Variants in PCCA observed in about 807,000 individuals in gnomAD.
PCCA encodes propionyl-CoA carboxylase subunit alpha.
In PCCA, 74 loss-of-function variants were observed where a neutral mutation model predicts 101.3. The ratio of observed to expected loss-of-function variants is 0.73; its 90% CI spans 0.61 to 0.89. The LOEUF is 0.89. PCCA is among the 40% of genes least tolerant of loss of function. The pLI is 0.00. For missense variants in PCCA, 891 were observed against 907.0 expected, an observed-to-expected ratio of 0.98 and a Z score of 0.23; for synonymous variants, 294 against 313.6, an observed-to-expected ratio of 0.94 and a Z score of 0.66.
At chr13:100,292,995 G>T (rs1267811707) in intron 12 of PCCA, among the ~76,000 whole-genome samples, 3 of 148,954 alleles carry the variant, frequency 2.0e-5, no homozygotes, top group Non-Finnish European at 1.5e-5. Context: ...ATTTCCAGAT[G>T]CTAGGTTTTT....
At chr13:100,493,639 T>C (rs1210625077) in intron 21 of PCCA, among the ~76,000 whole-genome samples, 1 of 152,174 alleles carries the variant, frequency 6.6e-6, no homozygotes, top group Admixed American at 6.5e-5. Context: ...AAATATAGAA[T>C]TAGTCAAAAG....
intron 6 of PCCA, among the ~76,000 whole-genome samples, chr13:100,172,049 AT>A (rs1391949720): frequency 4.0e-5 from 6 of 150,606 alleles, no homozygotes; most frequent in Non-Finnish European, 8.9e-5. Flanking sequence ...AAAAAAAAAA[AT>A]ATTAGCTGGG....
intron 16 of PCCA, among the ~76,000 whole-genome samples, chr13:100,310,906 A>G (rs1351182294): frequency 6.6e-6 from 1 of 152,164 alleles, no homozygotes; most frequent in African/African-American, 2.4e-5. Flanking sequence ...AGACAAAGCT[A>G]GGTTCATAGC....
At position 100,264,522 on chromosome 13, in the gene PCCA, A is replaced by G. The variant is rs74113858; in HGVS notation, c.819+1691A>G. On this transcript the variant is annotated intron_variant, in intron 10 of 23. Transcript: ENST00000376285. The stretch of plus-strand genomic sequence containing the variant: ...TAGTCTGTCACGTCTTCTTTTTCAC[A>G]CATCATCATATCTTTGAGATTCTTC... Among the ~76,000 whole-genome samples the G allele has an allele frequency of 8.7e-3, 1,320 of 152,194 alleles. 23 individuals carry two copies. Among genetic ancestry groups the G allele is most frequent in the African/African-American group, 0.03 (1,259 of 41,506 alleles).
At chr13:100,272,262 G>C (rs1041747861) in intron 11 of PCCA, among the ~76,000 whole-genome samples, 1 of 152,244 alleles carries the variant, frequency 6.6e-6, no homozygotes, top group East Asian at 1.9e-4. Context: ...CTGAATTAGT[G>C]AACACTGAAT....
intron 16 of PCCA, among the ~76,000 whole-genome samples, chr13:100,329,465 C>T (rs191130190): frequency 1.2e-4 from 19 of 152,218 alleles, no homozygotes; most frequent in African/African-American, 4.6e-4. Flanking sequence ...CAATTGAGAG[C>T]AGTCATCGAA....
chr13:100,368,164 T>TTGGCTCA (rs2075332349), intron 18 of PCCA, among the ~76,000 whole-genome samples: 1 of 152,194 alleles, frequency 6.6e-6, no homozygotes, highest in South Asian at 2.1e-4. Flanking sequence ...ATTTTATGTC[T>TTGGCTCA]CTGAAGTTTA....
At chr13:100,461,963 A>G (rs1242483673) in intron 21 of PCCA, among the ~76,000 whole-genome samples, 1 of 152,176 alleles carries the variant, frequency 6.6e-6, no homozygotes, top group East Asian at 1.9e-4. Context: ...CACTCTTTGT[A>G]TTCCTGACCC....
At chr13:100,131,739 A>G (rs2050535072) in intron 4 of PCCA, among the ~76,000 whole-genome samples, 1 of 152,164 alleles carries the variant, frequency 6.6e-6, no homozygotes, top group African/African-American at 2.4e-5. Context: ...CAGATACTCA[A>G]CCTTTAACAA....
chr13:100,284,148 A>T (rs2064381625), intron 12 of PCCA, among the ~76,000 whole-genome samples: 1 of 152,248 alleles, frequency 6.6e-6, no homozygotes, highest in Non-Finnish European at 1.5e-5. Context: ...CCATCCGAGG[A>T]ATCCTGGGAC....
intron 6 of PCCA, among the ~76,000 whole-genome samples, chr13:100,178,101 A>G (rs2056412854): frequency 6.6e-6 from 1 of 152,180 alleles, no homozygotes; most frequent in African/African-American, 2.4e-5. Context: ...ACTTATGAAT[A>G]TGTGATAAAT....
intron 21 of PCCA, among the ~76,000 whole-genome samples, chr13:100,458,503 C>A (rs968350833): frequency 2.0e-5 from 3 of 150,960 alleles, no homozygotes; most frequent in African/African-American, 7.3e-5. Flanking sequence ...AGTATGGTGA[C>A]GCCCACCTAT....
chr13:100,272,782 G>C (rs2063382634), intron 11 of PCCA, among the ~76,000 whole-genome samples: 1 of 152,150 alleles, frequency 6.6e-6, no homozygotes, highest in Non-Finnish European at 1.5e-5. Context: ...ATTTCAGCAA[G>C]TAGGCAGATT....
intron 13 of PCCA, among the ~76,000 whole-genome samples, chr13:100,301,878 C>G (rs1280378981): frequency 6.6e-6 from 1 of 152,122 alleles, no homozygotes; most frequent in Non-Finnish European, 1.5e-5. Context: ...TACTCTTGAG[C>G]TTGAATGGAC....
intron 21 of PCCA, among the ~76,000 whole-genome samples, chr13:100,511,706 A>T (rs2086490161): frequency 6.6e-6 from 1 of 152,332 alleles, no homozygotes; most frequent in African/African-American, 2.4e-5. Context: ...GTGGCACTGG[A>T]GGCTTTGAAA....
intron 9 of PCCA, among the ~76,000 whole-genome samples, chr13:100,257,977 C>G (rs2062192710): frequency 6.6e-6 from 1 of 152,154 alleles, no homozygotes; most frequent in African/African-American, 2.4e-5. Flanking sequence ...GCATAAATTA[C>G]TAACATTTGG....
At chr13:100,238,017 C>A (rs971486033) in intron 8 of PCCA, among the ~76,000 whole-genome samples, 1 of 150,398 alleles carries the variant, frequency 6.6e-6, no homozygotes, top group Admixed American at 6.7e-5. Context: ...CTGCTCACTG[C>A]AACTTCTGCC....
At chr13:100,245,215 A>G (rs1354969316) in intron 8 of PCCA, among the ~76,000 whole-genome samples, 1 of 152,196 alleles carries the variant, frequency 6.6e-6, no homozygotes, top group African/African-American at 2.4e-5. Flanking sequence ...ATGCATTGAT[A>G]GTAGAGTGTA....
chr13:100,508,753 A>T (rs2086257808), intron 21 of PCCA, among the ~76,000 whole-genome samples: 1 of 152,188 alleles, frequency 6.6e-6, no homozygotes, highest in South Asian at 2.1e-4. Context: ...CCCAGGAGGC[A>T]GGGCTTTACA....
Sources: allele counts gnomAD v4.1 joint callset (sites outside exome capture counted in the v4.1 genomes callset), GRCh38; gene constraint gnomAD v4.1.1; transcripts MANE v1.5; gene names NCBI Gene and HGNC (gene_info 2026-07-23, HGNC 2026-07-21).